The following TLN2 variants were observed in gnomAD, a reference collection of about 807,000 sequenced individuals.
TLN2 encodes talin-2.
A neutral mutation model predicts 294.7 loss-of-function variants in TLN2; 118 were observed. The ratio of observed to expected loss-of-function variants is 0.40; its 90% confidence interval spans 0.34 to 0.47. The LOEUF (loss-of-function observed/expected upper bound fraction) is 0.47, where lower values mean the gene tolerates loss of function less well. Ranked by LOEUF, TLN2 falls within the 20% of genes least tolerant of loss-of-function variation. The pLI, the probability that TLN2 is intolerant of heterozygous loss-of-function variation, is 0.84. For missense variants in TLN2, 3,083 were observed against 3,282.2 expected, an observed-to-expected ratio of 0.94 and a Z score of 1.48; for synonymous variants, 1,431 against 1,304.5, an observed-to-expected ratio of 1.10 and a Z score of -2.09.
intron 1 of TLN2, among the ~76,000 whole-genome samples, chr15:62,450,547 ATGTG>A (rs10591621): frequency 0.026 from 3,578 of 136,032 alleles, 54 homozygotes; most frequent in African/African-American, 0.04. Context: ...GTATGTATGT[ATGTG>A]TGTGTGTGTG....
At chr15:62,482,431 C>T (rs1445886139) in intron 1 of TLN2, among the ~76,000 whole-genome samples, 1 of 151,284 alleles carries the variant, frequency 6.6e-6, no homozygotes, top group African/African-American at 2.4e-5. Context: ...GGAGAAACCC[C>T]ATCTCTGCTA....
At chr15:62,505,839 C>A (rs772951207) in intron 1 of TLN2, among the ~76,000 whole-genome samples, 1 of 151,952 alleles carries the variant, frequency 6.6e-6, no homozygotes, top group Non-Finnish European at 1.5e-5. Context: ...GGGGGGCGGA[C>A]GGGGAAGGGG....
chr15:62,461,895 A>G (rs1397336131), intron 1 of TLN2, among the ~76,000 whole-genome samples: 2 of 152,210 alleles, frequency 1.3e-5, no homozygotes, highest in Non-Finnish European at 2.9e-5. Flanking sequence ...GGCCTGGGAC[A>G]TTTAACTTCT....
At position 62,513,617 on chromosome 15, in the gene TLN2, G is replaced by T. The variant is rs556010373; in HGVS notation, c.-237-76070G>T. 2.0e-5 allele frequency among the ~76,000 whole-genome samples: 3 copies of T among 152,252 alleles called. No homozygotes were observed. The East Asian group carries it at 5.8e-4, about 29-fold the overall frequency. On this transcript the variant is annotated intron_variant, in intron 1 of 58. Coordinates refer to ENST00000636159, the MANE Select transcript of TLN2 (RefSeq NM_015059.3). ...ACCTCCAGTTACCCATTTGTGAAATGGCCCATCATTCTTCCCCTGCAGGGT... is the reference window on the plus strand; with the variant it reads ...ACCTCCAGTTACCCATTTGTGAAATTGCCCATCATTCTTCCCCTGCAGGGT...
intron 2 of TLN2, among the ~76,000 whole-genome samples, chr15:62,610,541 A>C (rs542465030): frequency 1.3e-5 from 2 of 152,222 alleles, no homozygotes; most frequent in Non-Finnish European, 2.9e-5. Context: ...GCTAGACAGC[A>C]CCTCGGCACT....
intron 3 of TLN2, among the ~76,000 whole-genome samples, chr15:62,628,279 C>T (rs186442409): frequency 3.3e-4 from 51 of 152,320 alleles, no homozygotes; most frequent in African/African-American, 1.2e-3. Context: ...TGAAACTATT[C>T]ATGTACCTAT....
rs184077002 is a variant in TLN2 at position 62,761,022 on chromosome 15, T to G, written c.4639-659T>G. On this transcript the variant is annotated intron_variant, in intron 37 of 58. Coordinates refer to ENST00000636159, the MANE Select transcript of TLN2 (RefSeq NM_015059.3). ...GGTCACCTGTGTTTGCACTTGGTAC[T>G]AATGGAATTGTACAGGAGGCACCCA... Among the ~76,000 whole-genome samples the G allele has an allele frequency of 2.8e-3, 420 of 152,328 alleles. 3 individuals are homozygous for G. The highest frequency in any genetic ancestry group is 4.5e-3 in the Non-Finnish European group (307 of 68,030).
intron 1 of TLN2, among the ~76,000 whole-genome samples, chr15:62,586,487 G>A (rs539807324): frequency 7.9e-5 from 12 of 152,270 alleles, no homozygotes; most frequent in African/African-American, 2.2e-4. Context: ...TAATTATGCC[G>A]TTATGAAGAT....
chr15:62,776,664 G>T (rs1435750541), intron 42 of TLN2, 100 bp from the exon 43 acceptor site: 7 of 1,150,844 alleles, frequency 6.1e-6, no homozygotes, highest in Non-Finnish European at 7.8e-6. Context: ...GTGCTCCATT[G>T]TGGGGGTATG....
At chr15:62,623,511 T>C (rs764895788) in intron 3 of TLN2, among the ~76,000 whole-genome samples, 19 of 152,232 alleles carry the variant, frequency 1.2e-4, no homozygotes, top group Non-Finnish European at 2.5e-4. Flanking sequence ...GTGGTTCTTA[T>C]ATGAAATCCT....
intron 3 of TLN2, among the ~76,000 whole-genome samples, chr15:62,620,741 C>T (rs943714416): frequency 4.0e-5 from 6 of 151,892 alleles, no homozygotes; most frequent in Non-Finnish European, 7.4e-5. Flanking sequence ...CTTGGCCTCC[C>T]AAAGTGCTGG....
chr15:62,672,008 TCTG>T lies in TLN2; in HGVS notation c.789-1816_789-1814del, dbSNP rs777639665. Among the ~76,000 whole-genome samples, 6 of 152,314 alleles carry T rather than the reference TCTG, an allele frequency of 3.9e-5. No individual in the cohort carries two copies. The South Asian group carries it at 1.2e-3, about 32-fold the overall frequency. On this transcript the variant is annotated intron_variant, in intron 9 of 58. Transcript: ENST00000636159. ...TGGGAGGCATATATTATCTGGTTATTCTGCTTTGATTAATATTAAAATTGATCA... is the reference window on the plus strand; with the variant it reads ...TGGGAGGCATATATTATCTGGTTATTCTTTGATTAATATTAAAATTGATCA...
At chr15:62,622,333 G>C (rs2048902823) in intron 3 of TLN2, among the ~76,000 whole-genome samples, 1 of 152,086 alleles carries the variant, frequency 6.6e-6, no homozygotes. Context: ...TGTAAAAGTT[G>C]GGGATTTTGT....
chr15:62,635,158 T>G (rs1596421741), intron 3 of TLN2, among the ~76,000 whole-genome samples: 1 of 152,192 alleles, frequency 6.6e-6, no homozygotes, highest in South Asian at 2.1e-4. Context: ...CAGCTGATAC[T>G]TGTACATTCA....
At chr15:62,477,184 T>C (rs1299461553) in intron 1 of TLN2, among the ~76,000 whole-genome samples, 2 of 152,198 alleles carry the variant, frequency 1.3e-5, no homozygotes, top group African/African-American at 4.8e-5. Flanking sequence ...TTCTAATTAC[T>C]CTAAAGCATC....
chr15:62,542,732 G>T (rs1460021657), intron 1 of TLN2, among the ~76,000 whole-genome samples: 1 of 152,064 alleles, frequency 6.6e-6, no homozygotes, highest in East Asian at 1.9e-4. Flanking sequence ...CTTGTCCTAG[G>T]ACTGTCTTGG....
chr15:62,478,368 C>A (rs2037900398), intron 1 of TLN2, among the ~76,000 whole-genome samples: 1 of 149,874 alleles, frequency 6.7e-6, no homozygotes, highest in Non-Finnish European at 1.5e-5. Context: ...CTTCTTTTTA[C>A]CCACCCTCAG....
At chr15:62,634,015 G>T (rs1172261414) in intron 3 of TLN2, among the ~76,000 whole-genome samples, 5 of 152,138 alleles carry the variant, frequency 3.3e-5, no homozygotes, top group African/African-American at 1.2e-4. Flanking sequence ...AAGGACAACG[G>T]TCAATTCGGA....
intron 37 of TLN2, among the ~76,000 whole-genome samples, chr15:62,758,954 C>CTT (rs34586997): frequency 0.92 from 139,976 of 152,054 alleles, 65,203 homozygotes; most frequent in East Asian, 1. Context: ...GTCCATGAAT[C>CTT]TGACTTTGTG....
Sources: gnomAD v4.1 joint callset for allele counts (sites outside exome capture counted in the v4.1 genomes callset) on GRCh38, gnomAD v4.1.1 for gene constraint, MANE v1.5 for transcripts, NCBI Gene and HGNC (gene_info 2026-07-23, HGNC 2026-07-21) for gene names.